PLS3: variants seen among roughly 807,000 people sequenced by gnomAD.
The protein encoded by PLS3 is plastin 3, also known as plastin-3.
PLS3 carries 11 observed loss-of-function variants against 46.5 expected under a neutral mutation model. The ratio of observed to expected loss-of-function variants is 0.24; its 90% confidence interval spans 0.15 to 0.39. The LOEUF is 0.39. Ranked by LOEUF, PLS3 falls within the 10% of genes least tolerant of loss-of-function variation. The probability of loss-of-function intolerance (pLI) is 1.00; values close to 1 mark genes in which losing one functional copy is unlikely to be tolerated. For synonymous variants in PLS3, 167 were observed against 162.2 expected, an observed-to-expected ratio of 1.03 and a Z score of -0.22; for missense variants, 308 against 461.8, an observed-to-expected ratio of 0.67 and a Z score of 3.05.
At chrX:115,633,932 C>A in intron 5 of PLS3, 68 bp from the exon 6 acceptor site, 1 of 576,715 alleles carries the variant, frequency 1.7e-6, no homozygotes, top group Non-Finnish European at 3.0e-6. Flanking sequence ...TAAATATTTA[C>A]AGCCACTTTA....
At position 115,649,426 on chromosome X, in the gene PLS3, T is replaced by C. The variant is rs782704346; in HGVS notation, c.1761-3T>C. On this transcript the variant is annotated splice_polypyrimidine_tract_variant and splice_region_variant and intron_variant, in intron 15 of 15. Coordinates refer to ENST00000355899, the MANE Select transcript of PLS3 (RefSeq NM_005032.7). ...ATCCTGATTTTGTTTCCCCCTAAAATAGGTATGCAGTGTCAATGGCTAGAA... is the reference window on the plus strand; with the variant it reads ...ATCCTGATTTTGTTTCCCCCTAAAACAGGTATGCAGTGTCAATGGCTAGAA... 8.4e-7 allele frequency: 1 copy of C among 1,195,774 alleles called. No individual in the cohort carries two copies. Among genetic ancestry groups the C allele is most frequent in the African/African-American group, 1.7e-5 (1 of 57,436 alleles).
intron 2 of PLS3, 36 bp downstream of exon 2, chrX:115,610,359 A>G (rs1162572029): frequency 2.7e-6 from 2 of 747,075 alleles, no homozygotes; most frequent in Non-Finnish European, 4.0e-6. Context: ...TAGGGAAGCA[A>G]TATTTATTTG....
At chrX:115,569,424 T>C (rs1384678677) in intron 1 of PLS3, among the ~76,000 whole-genome samples, 1 of 112,035 alleles carries the variant, frequency 8.9e-6, no homozygotes, top group Non-Finnish European at 1.9e-5. Context: ...TATGCCCTTT[T>C]ATCTCAAGGC....
At position 115,636,238 on chromosome X, in the gene PLS3, G is replaced by A. The variant is rs1285102000; in HGVS notation, c.749-598G>A. ...TTTTTTTTTTTTGAGACGGAGTCTC[G>A]CTCTGTTGCCCAGGCTGGAGTGCAG... On this transcript the variant is annotated intron_variant, in intron 7 of 15. Transcript: ENST00000355899. Among the ~76,000 whole-genome samples, 277 of 85,632 alleles carry A rather than the reference G, an allele frequency of 3.2e-3. 1 individual carries two copies. The highest frequency in any genetic ancestry group is 0.012 in the African/African-American group (261 of 20,996). The allele number at this position is 85,632 out of a possible 115,157, so 74.4% of individuals were successfully genotyped here.
chrX:115,612,532 G>C (rs1369304978), intron 2 of PLS3, among the ~76,000 whole-genome samples: 1 of 110,717 alleles, frequency 9.0e-6, no homozygotes, highest in African/African-American at 3.3e-5. Flanking sequence ...TTTCCTTTTT[G>C]TGGGGGTGGG....
chrX:115,635,071 AGTT>A, intron 7 of PLS3, 25 bp downstream of exon 7: 1 of 1,172,037 alleles, frequency 8.5e-7, no homozygotes, highest in Non-Finnish European at 1.2e-6. Context: ...TCATTCTGGC[AGTT>A]GTTTATTGGT....
At chrX:115,605,075 A>C (rs782412764) in intron 1 of PLS3, among the ~76,000 whole-genome samples, 1 of 112,347 alleles carries the variant, frequency 8.9e-6, no homozygotes, top group South Asian at 3.7e-4. Flanking sequence ...GTCTTGGCCC[A>C]GGTACTTCAG....
chrX:115,615,378 T>G (rs1556636631), intron 2 of PLS3, among the ~76,000 whole-genome samples: 1 of 110,089 alleles, frequency 9.1e-6, no homozygotes, highest in East Asian at 2.9e-4. Flanking sequence ...AAGGTTTACT[T>G]AGGGGAGGGC....
chrX:115,614,797 T>A (rs1415209183), intron 2 of PLS3, among the ~76,000 whole-genome samples: 1 of 112,276 alleles, frequency 8.9e-6, no homozygotes, highest in Non-Finnish European at 1.9e-5. Context: ...TGTCATTTCT[T>A]TAGTGCAGAA....
At chrX:115,645,890 A>G (rs1432430475) in intron 11 of PLS3, among the ~76,000 whole-genome samples, 182 bp from the exon 12 acceptor site, 2 of 111,842 alleles carry the variant, frequency 1.8e-5, no homozygotes, top group African/African-American at 6.5e-5. Context: ...CTCTCAATAA[A>G]TACTTATAAA....
At chrX:115,629,797 A>G in intron 4 of PLS3, 38 bp from the exon 5 acceptor site, 1 of 888,982 alleles carries the variant, frequency 1.1e-6, no homozygotes, top group Non-Finnish European at 1.6e-6. Flanking sequence ...AATAAGTTAG[A>G]GTATGAACTA....
At chrX:115,637,448 T>C (rs1556640433) in intron 8 of PLS3, among the ~76,000 whole-genome samples, 3 of 111,860 alleles carry the variant, frequency 2.7e-5, no homozygotes, top group African/African-American at 9.7e-5. Context: ...TATGTCTGTG[T>C]ATCCTACCTC....
At chrX:115,633,653 G>C (rs2074801261) in intron 5 of PLS3, among the ~76,000 whole-genome samples, 2 of 109,811 alleles carry the variant, frequency 1.8e-5, no homozygotes, top group Non-Finnish European at 3.8e-5. Flanking sequence ...ACCATGCCCG[G>C]CTAATTTTTT....
At chrX:115,567,917 G>A (rs1426288144) in intron 1 of PLS3, among the ~76,000 whole-genome samples, 2 of 110,165 alleles carry the variant, frequency 1.8e-5, no homozygotes, top group Non-Finnish European at 3.8e-5. Context: ...AATAAAATTT[G>A]TTAGGGCCGT....
intron 1 of PLS3, among the ~76,000 whole-genome samples, chrX:115,581,529 T>C (rs949870083): frequency 2.7e-5 from 3 of 111,973 alleles, no homozygotes; most frequent in Non-Finnish European, 5.6e-5. Flanking sequence ...ATCAAACTGA[T>C]TAGGACTGAA....
At chrX:115,627,905 G>C (rs2074726821) in intron 3 of PLS3, among the ~76,000 whole-genome samples, 1 of 112,269 alleles carries the variant, frequency 8.9e-6, no homozygotes, top group East Asian at 2.8e-4. Flanking sequence ...AATTTTATTT[G>C]TAAGTCCAAA....
At chrX:115,620,690 CT>C (rs370878043) in intron 2 of PLS3, among the ~76,000 whole-genome samples, 3,030 of 69,038 alleles carry the variant, frequency 0.044, 180 homozygotes, top group African/African-American at 0.14. Context: ...ATGCTTTTTT[CT>C]TTTTTTTTTC....
At position 115,647,978 on chromosome X, in the gene PLS3, G is replaced by A; in HGVS notation, c.1721G>A (p.Ser574Asn). The A allele has an allele frequency of 8.3e-7, 1 of 1,208,578 alleles. No homozygotes were observed. The highest frequency in any genetic ancestry group is 1.1e-6 in the Non-Finnish European group (1 of 893,005). The change falls in exon 15 of 16, where the codon AGT becomes AAT. Residue 574 changes from serine (S) to asparagine (N), a missense_variant. Ser to Asn is a conservative substitution (Grantham distance 46). Around this residue, in one of 2 missense-constraint regions of PLS3, gnomAD observed 271 missense variants for 435.7 expected, o/e 0.62. Coordinates refer to ENST00000355899, the MANE Select transcript of PLS3 (RefSeq NM_005032.7). ...PGCINYDLVK[S>N]GNLTEDDKHN... ...TGTATAAACTATGACCTTGTGAAGA[G>A]TGGCAATCTAACAGAAGATGACAAG...
chrX:115,615,083 A>G (rs2074584479), intron 2 of PLS3, among the ~76,000 whole-genome samples: 1 of 111,237 alleles, frequency 9.0e-6, no homozygotes, highest in African/African-American at 3.3e-5. Flanking sequence ...GTCAAAGAAA[A>G]TCCTAGTCTT....
Sources: gnomAD v4.1 joint callset for allele counts (sites outside exome capture counted in the v4.1 genomes callset) on GRCh38, gnomAD v4.1.1 for gene constraint, gnomAD v4.1.1 regional missense constraint, MANE v1.5 for transcripts, NCBI Gene and HGNC (gene_info 2026-07-23, HGNC 2026-07-21) for gene names.